The following SGTA variants were observed in gnomAD, a reference collection of about 807,000 sequenced individuals.
SGTA encodes small glutamine rich tetratricopeptide repeat co-chaperone alpha, also known as small glutamine-rich tetratricopeptide repeat-containing protein alpha.
SGTA carries 22 observed loss-of-function variants against 44.3 expected under a neutral mutation model. That is an observed-to-expected ratio of 0.50 (90% CI 0.36 to 0.71). The LOEUF (loss-of-function observed/expected upper bound fraction) is 0.71. SGTA is among the 30% of genes least tolerant of loss of function. SGTA has a pLI of 0.00. For synonymous variants in SGTA, 174 were observed against 177.6 expected, an observed-to-expected ratio of 0.98 and a Z score of 0.16; for missense variants, 341 against 435.9, an observed-to-expected ratio of 0.78 and a Z score of 1.94.
At chr19:2,774,295 G>A (rs1487405108) in intron 1 of SGTA, among the ~76,000 whole-genome samples, 2 of 152,158 alleles carry the variant, frequency 1.3e-5, no homozygotes, top group African/African-American at 2.4e-5. Context: ...CGCATGCCCA[G>A]GATCACATAG....
intron 1 of SGTA, among the ~76,000 whole-genome samples, chr19:2,772,483 G>A (rs1430737318): frequency 6.6e-6 from 1 of 152,250 alleles, no homozygotes; most frequent in Non-Finnish European, 1.5e-5. Context: ...CTGGGCCCCA[G>A]GGACCCTCTG....
intron 1 of SGTA, among the ~76,000 whole-genome samples, chr19:2,770,981 G>C (rs1273376445): frequency 6.6e-6 from 1 of 152,262 alleles, no homozygotes; most frequent in East Asian, 1.9e-4. Context: ...GGCCTGCAAA[G>C]CCTGTGAGCT....
Position 2,755,548 on chromosome 19 carries a change from G to A in SGTA, c.*392C>T, listed in dbSNP as rs1482020965. 1 of 986,190 alleles carries A rather than the reference G, an allele frequency of 1.0e-6. No individual in the cohort carries two copies. Among genetic ancestry groups the A allele is most frequent in the Non-Finnish European group, 1.2e-6 (1 of 830,174 alleles). 61.1% of individuals were successfully genotyped at this position (986,190 alleles called of 1,614,324 possible). The stretch of plus-strand genomic sequence containing the variant: ...CTGCAGACAGACCACGGGATGGGGG[G>A]CGGGGGCTGTAAAAGGCTTTGGAAG... On this transcript the variant is annotated 3_prime_UTR_variant, in exon 12 of 12. Coordinates refer to ENST00000221566, the MANE Select transcript of SGTA (RefSeq NM_003021.4). This position sits in a 1 kb window ranked among gnomAD's most constrained non-coding sequence, Gnocchi z 5.2.
Position 2,767,756 on chromosome 19 carries a change from G to T in SGTA, c.101-70C>A. 1.6e-6 allele frequency: 2 copies of T among 1,226,818 alleles called. No homozygotes were observed. The highest frequency in any genetic ancestry group is 2.4e-6 in the Non-Finnish European group (2 of 835,244). The allele number at this position is 1,226,818 out of a possible 1,614,324, so 76.0% of individuals were successfully genotyped here. ...GAGGTTACGTTTTTGGGTCTAGAGG[G>T]CGGGGTTGGTGCTCATGCTTCCCCA... On this transcript the variant is annotated intron_variant, in intron 2 of 11. Transcript: ENST00000221566. This position sits in a 1 kb window ranked among gnomAD's most constrained non-coding sequence, Gnocchi z 7.3.
At position 2,763,650 on chromosome 19, in the gene SGTA, C is replaced by T; in HGVS notation, c.497+3G>A. 6.2e-7 allele frequency: 1 copy of T among 1,606,398 alleles called. No homozygotes were observed. Among genetic ancestry groups the T allele is most frequent in the Non-Finnish European group, 8.5e-7 (1 of 1,174,052 alleles). ...AAAGGCGCGGCCGTGGACAGGCACT[C>T]ACCCCATCCTGCCGTAGGCCTTGCT... is the stretch of plus-strand genomic sequence containing the variant. On this transcript the variant is annotated splice_donor_region_variant and intron_variant, in intron 6 of 11. Transcript: ENST00000221566. This position sits in a 1 kb window ranked among gnomAD's most constrained non-coding sequence, Gnocchi z 5.8.
Position 2,767,997 on chromosome 19 carries a change from G to C in SGTA, c.101-311C>G, listed in dbSNP as rs1915197488. Among the ~76,000 whole-genome samples, 1 of 152,172 alleles carries C rather than the reference G, an allele frequency of 6.6e-6. No homozygotes were observed. Among genetic ancestry groups the C allele is most frequent in the Admixed American group, 6.5e-5 (1 of 15,282 alleles). ...GGGCTGCCCGGCTGCGGCGTGGTGGGGGCTTGGCCCCACCTGGAGGGCCAC... is the reference window on the plus strand; with the variant it reads ...GGGCTGCCCGGCTGCGGCGTGGTGGCGGCTTGGCCCCACCTGGAGGGCCAC... On this transcript the variant is annotated intron_variant, in intron 2 of 11. Transcript: ENST00000221566. The surrounding 1 kb of genome is among the most constrained non-coding windows in gnomAD (Gnocchi z 7.3).
rs2144715778 is a variant in SGTA at position 2,755,809 on chromosome 19, C to T, written c.*131G>A. On this transcript the variant is annotated 3_prime_UTR_variant, in exon 12 of 12. Transcript: ENST00000221566. This position sits in a 1 kb window ranked among gnomAD's most constrained non-coding sequence, Gnocchi z 5.2. ...GCAGAGATAAAAGGGGAAAATCCAT[C>T]TTGACATGCAGGTCCGAGGTCTCTC... 1.0e-6 allele frequency: 1 copy of T among 985,542 alleles called. No individual in the cohort carries two copies. Among genetic ancestry groups the T allele is most frequent in the Non-Finnish European group, 1.2e-6 (1 of 830,004 alleles). 61.0% of individuals were successfully genotyped at this position (985,542 alleles called of 1,614,324 possible).
At chr19:2,766,992 C>T (rs913627457) in intron 4 of SGTA, 144 bp downstream of exon 4, 15 of 691,806 alleles carry the variant, frequency 2.2e-5, no homozygotes, top group South Asian at 1.1e-4. Flanking sequence ...CTTCCGTCCC[C>T]GTCCCCACAA....
At chr19:2,757,825 C>T (rs778703164) in intron 9 of SGTA, 43 bp from the exon 10 acceptor site, 99 of 1,382,224 alleles carry the variant, frequency 7.2e-5, no homozygotes, top group African/African-American at 6.0e-4. Flanking sequence ...ACAGCCTGAC[C>T]GCCACCCCCA....
intron 8 of SGTA, among the ~76,000 whole-genome samples, chr19:2,760,538 A>C (rs1335566986): frequency 6.6e-6 from 1 of 151,368 alleles, no homozygotes; most frequent in Admixed American, 6.6e-5. Context: ...AAAAAAAAAA[A>C]AACCAAAAAA....
chr19:2,775,472 C>T (rs1236744683), intron 1 of SGTA, among the ~76,000 whole-genome samples: 2 of 152,242 alleles, frequency 1.3e-5, no homozygotes, highest in East Asian at 3.9e-4. Flanking sequence ...CAAGCATAGT[C>T]CCAGACACAC....
chr19:2,760,117 C>T (rs1568307478), intron 8 of SGTA, among the ~76,000 whole-genome samples: 1 of 152,122 alleles, frequency 6.6e-6, no homozygotes, highest in Non-Finnish European at 1.5e-5. Flanking sequence ...TGTAAATACT[C>T]TCAGCCTTTT....
intron 6 of SGTA, 90 bp from the exon 7 acceptor site, chr19:2,762,734 C>A (rs975511084): frequency 1.3e-6 from 2 of 1,489,572 alleles, no homozygotes; most frequent in African/African-American, 2.8e-5. Context: ...TCCTGGCAAC[C>A]CCCAAACCAC....
chr19:2,776,460 T>C (rs1320167161), intron 1 of SGTA, among the ~76,000 whole-genome samples: 2 of 152,166 alleles, frequency 1.3e-5, no homozygotes, highest in Non-Finnish European at 2.9e-5. Flanking sequence ...GTACAAAACC[T>C]GTGTGACTCC....
chr19:2,763,867 G>T lies in SGTA; in HGVS notation c.393-110C>A. On this transcript the variant is annotated intron_variant, in intron 5 of 11. Transcript: ENST00000221566. This position sits in a 1 kb window ranked among gnomAD's most constrained non-coding sequence, Gnocchi z 5.8. ...TCCTCTCCAACTTCCTGGAGGAACGGCCTCAGTTTTCCCCATCTGTAAAAT... is the reference window on the plus strand; with the variant it reads ...TCCTCTCCAACTTCCTGGAGGAACGTCCTCAGTTTTCCCCATCTGTAAAAT... 1 of 785,488 alleles carries T rather than the reference G, an allele frequency of 1.3e-6. No individual in the cohort carries two copies. The highest frequency in any genetic ancestry group is 2.0e-6 in the Non-Finnish European group (1 of 492,134). 48.7% of individuals were successfully genotyped at this position (785,488 alleles called of 1,614,324 possible). A position where few individuals can be genotyped will look rare whatever the true frequency, so the allele number is the denominator to read the frequency against.
chr19:2,782,910 C>A (rs1915603673), intron 1 of SGTA, among the ~76,000 whole-genome samples: 1 of 152,182 alleles, frequency 6.6e-6, no homozygotes, highest in Admixed American at 6.5e-5. Flanking sequence ...CGTTTCCAGG[C>A]GGTTAATAAG....
At chr19:2,764,164 G>A (rs1010472674) in intron 5 of SGTA, among the ~76,000 whole-genome samples, 5 of 152,088 alleles carry the variant, frequency 3.3e-5, no homozygotes, top group East Asian at 1.9e-4. Flanking sequence ...CACCATTTTC[G>A]TGTTTAGTGT....
chr19:2,772,391 A>C (rs1041183476), intron 1 of SGTA, among the ~76,000 whole-genome samples: 2 of 152,228 alleles, frequency 1.3e-5, no homozygotes, highest in African/African-American at 4.8e-5. Context: ...GGAAACTCTG[A>C]CCCAGCACCC....
chr19:2,771,548 C>T, intron 1 of SGTA, among the ~76,000 whole-genome samples: 1 of 150,024 alleles, frequency 6.7e-6, no homozygotes, highest in Non-Finnish European at 1.5e-5. Flanking sequence ...CTTCTGTCCC[C>T]CATGGATGGC....
Sources: allele counts gnomAD v4.1 joint callset (sites outside exome capture counted in the v4.1 genomes callset), GRCh38; gene constraint gnomAD v4.1.1; non-coding constraint Gnocchi (gnomAD v3.1); transcripts MANE v1.5; gene names NCBI Gene and HGNC (gene_info 2026-07-23, HGNC 2026-07-21).